Variants in NOX4 observed in about 807,000 individuals in gnomAD.
NOX4 encodes kidney oxidase-1.
Under a neutral mutation model 87.6 loss-of-function variants are expected in NOX4, and 69 were observed. The observed-to-expected ratio is 0.79, with a 90% confidence interval of 0.65 to 0.96. The LOEUF (loss-of-function observed/expected upper bound fraction) is 0.96, where lower values mean the gene tolerates loss of function less well. NOX4 is among the 40% of genes least tolerant of loss of function. The pLI is 0.00. For synonymous variants in NOX4, 275 were observed against 238.2 expected (o/e 1.15, Z -1.42); for missense variants, 680 against 681.5 (o/e 1.00, Z 0.02).
At chr11:89,446,946 A>G (rs547668166) in intron 4 of NOX4, among the ~76,000 whole-genome samples, 1 of 152,256 alleles carries the variant, frequency 6.6e-6, no homozygotes, top group Non-Finnish European at 1.5e-5. Context: ...GGGGATGTTG[A>G]TAATGGGGGA....
chr11:89,433,028 A>T (rs76493937), intron 6 of NOX4, among the ~76,000 whole-genome samples, 172 bp from the exon 7 acceptor site: 5,452 of 152,172 alleles, frequency 0.036, 319 homozygotes, highest in African/African-American at 0.12. Flanking sequence ...TTAATTTTTT[A>T]AATTAATTTT....
At chr11:89,582,714 G>C in the NOX4 span, among the ~76,000 whole-genome samples, 3 of 152,182 alleles carry the variant, frequency 2.0e-5, no homozygotes, top group African/African-American at 7.2e-5. Flanking sequence ...GTTTAACGTT[G>C]AAACTCAGGC....
the NOX4 span, among the ~76,000 whole-genome samples, chr11:89,568,725 AC>A: frequency 6.6e-6 from 1 of 152,206 alleles, no homozygotes; most frequent in South Asian, 2.1e-4. Context: ...AATAGCCAAA[AC>A]AATCCTAAGC....
intron 11 of NOX4, among the ~76,000 whole-genome samples, chr11:89,377,543 A>G (rs1210389383): frequency 6.6e-6 from 1 of 152,186 alleles, no homozygotes; most frequent in Non-Finnish European, 1.5e-5. Flanking sequence ...ATGACTAATA[A>G]TTTTATAACA....
chr11:89,484,953 G>T (rs1946533288), intron 2 of NOX4, among the ~76,000 whole-genome samples: 1 of 152,042 alleles, frequency 6.6e-6, no homozygotes, highest in Non-Finnish European at 1.5e-5. Flanking sequence ...GAAAGTAACA[G>T]GGATCATATA....
intron 6 of NOX4, among the ~76,000 whole-genome samples, chr11:89,439,216 TG>T: frequency 6.6e-6 from 1 of 151,118 alleles, no homozygotes; most frequent in East Asian, 2.0e-4. Flanking sequence ...ACAAAGCTTT[TG>T]TTTCTCTCTC....
intron 7 of NOX4, among the ~76,000 whole-genome samples, chr11:89,426,790 CGGG>C (rs958924512): frequency 6.6e-6 from 1 of 152,136 alleles, no homozygotes; most frequent in African/African-American, 2.4e-5. Flanking sequence ...GACTCCACCT[CGGG>C]GGGCAGGGCA....
chr11:89,437,125 G>T (rs1230725553), intron 6 of NOX4, among the ~76,000 whole-genome samples: 5 of 151,996 alleles, frequency 3.3e-5, no homozygotes, highest in Non-Finnish European at 7.4e-5. Context: ...CACTTTGGGA[G>T]GCTGAGGCAA....
At chr11:89,565,875 C>T in the NOX4 span, among the ~76,000 whole-genome samples, 1 of 151,902 alleles carries the variant, frequency 6.6e-6, no homozygotes, top group African/African-American at 2.4e-5. Flanking sequence ...AAGTAAATTA[C>T]ATTAATTGAT....
intron 13 of NOX4, among the ~76,000 whole-genome samples, chr11:89,345,731 T>A (rs1946188084): frequency 6.6e-6 from 1 of 152,196 alleles, no homozygotes; most frequent in East Asian, 1.9e-4. Flanking sequence ...AAAAAGTTTT[T>A]GATAAAATCC....
the NOX4 span, among the ~76,000 whole-genome samples, chr11:89,538,346 G>T: frequency 6.6e-6 from 1 of 152,000 alleles, no homozygotes; most frequent in African/African-American, 2.4e-5. Flanking sequence ...TCCACAATAT[G>T]GTTTTAATTT....
intron 12 of NOX4, among the ~76,000 whole-genome samples, chr11:89,365,273 T>G (rs1205001077): frequency 1.3e-5 from 2 of 152,134 alleles, no homozygotes; most frequent in African/African-American, 4.8e-5. Flanking sequence ...TTATTTTGCT[T>G]CTTATTTGTT....
chr11:89,572,659 C>T, the NOX4 span, among the ~76,000 whole-genome samples: 1 of 152,176 alleles, frequency 6.6e-6, no homozygotes, highest in Non-Finnish European at 1.5e-5. Context: ...ACGCCATTCT[C>T]CTGCCTCAAC....
chr11:89,330,115 G>A (rs1479980278), intron 17 of NOX4, among the ~76,000 whole-genome samples: 1 of 152,048 alleles, frequency 6.6e-6, no homozygotes, highest in Non-Finnish European at 1.5e-5. Context: ...GGAAGAAATG[G>A]AAGTACATGA....
chr11:89,326,732 A>C lies in NOX4; in HGVS notation c.*24T>G. On this transcript the variant is annotated 3_prime_UTR_variant, in exon 18 of 18. Transcript: ENST00000263317. ...GAAATTGCACTCATTCCTTCTTTAG[A>C]GTCCTGCTTCATGGCAAAAGTTTTC... The C allele has an allele frequency of 1.2e-6, 2 of 1,607,480 alleles. No homozygotes were observed. The highest frequency in any genetic ancestry group is 1.7e-5 in the Admixed American group (1 of 59,446).
the NOX4 span, among the ~76,000 whole-genome samples, chr11:89,527,141 T>C: frequency 6.6e-6 from 1 of 152,160 alleles, no homozygotes; most frequent in African/African-American, 2.4e-5. Flanking sequence ...ATGTGGAACT[T>C]AGAACTTGAG....
intron 11 of NOX4, among the ~76,000 whole-genome samples, chr11:89,387,553 T>C (rs1940802510): frequency 6.6e-6 from 1 of 152,138 alleles, no homozygotes; most frequent in East Asian, 1.9e-4. Flanking sequence ...CAGGGACGCA[T>C]GTGACAGTTT....
At chr11:89,355,868 C>T (rs1281735034) in intron 12 of NOX4, among the ~76,000 whole-genome samples, 1 of 152,122 alleles carries the variant, frequency 6.6e-6, no homozygotes, top group Non-Finnish European at 1.5e-5. Flanking sequence ...TTCACAGTAG[C>T]ACCACTCATA....
chr11:89,467,151 A>G (rs1668145321), intron 2 of NOX4, among the ~76,000 whole-genome samples: 1 of 151,876 alleles, frequency 6.6e-6, no homozygotes, highest in Non-Finnish European at 1.5e-5. Context: ...GATCGAGACC[A>G]TGCTGGCTAA....
Sources: gnomAD v4.1 joint callset for allele counts (sites outside exome capture counted in the v4.1 genomes callset) on GRCh38, gnomAD v4.1.1 for gene constraint, MANE v1.5 for transcripts, NCBI Gene and HGNC (gene_info 2026-07-23, HGNC 2026-07-21) for gene names.